ANKS1B: variants seen among roughly 807,000 people sequenced by gnomAD.
The protein encoded by ANKS1B is ankyrin repeat and sterile alpha motif domain-containing protein 1B.
Under a neutral mutation model 148.3 loss-of-function variants are expected in ANKS1B, and 36 were observed. The observed-to-expected ratio is 0.24, with a 90% CI of 0.19 to 0.32. The LOEUF (loss-of-function observed/expected upper bound fraction) is 0.32, where lower values mean the gene tolerates loss of function less well. Ranked by LOEUF, ANKS1B falls within the 10% of genes least tolerant of loss-of-function variation. ANKS1B has a pLI of 1.00. For synonymous variants in ANKS1B, 542 were observed against 560.8 expected (o/e 0.97, Z 0.47); for missense variants, 1,157 against 1,542.6 (o/e 0.75, Z 4.19).
At chr12:99,086,391 C>T (rs1481441552) in intron 15 of ANKS1B, among the ~76,000 whole-genome samples, 4 of 152,030 alleles carry the variant, frequency 2.6e-5, no homozygotes, top group South Asian at 2.1e-4. Flanking sequence ...GAGGAGCAAA[C>T]GGTAAGGCTG....
chr12:99,121,311 GTA>G (rs1182100869), intron 15 of ANKS1B, among the ~76,000 whole-genome samples: 3 of 137,446 alleles, frequency 2.2e-5, no homozygotes, highest in Non-Finnish European at 4.6e-5. Context: ...AACAGTGTGT[GTA>G]TGTAGGTATG....
chr12:99,867,127 A>T (rs1028158670), intron 1 of ANKS1B, among the ~76,000 whole-genome samples: 2 of 152,178 alleles, frequency 1.3e-5, no homozygotes, highest in African/African-American at 4.8e-5. Context: ...GCCACTGTAA[A>T]GATTAAATGA....
At chr12:99,263,424 A>G (rs6538907) in intron 12 of ANKS1B, among the ~76,000 whole-genome samples, 47,295 of 152,046 alleles carry the variant, frequency 0.31, 8,793 homozygotes, top group African/African-American at 0.52. Flanking sequence ...CAATTAGTTG[A>G]AAACATTTTA....
At chr12:99,334,629 A>G (rs1465378284) in intron 12 of ANKS1B, among the ~76,000 whole-genome samples, 1 of 152,098 alleles carries the variant, frequency 6.6e-6, no homozygotes, top group Non-Finnish European at 1.5e-5. Context: ...CTCAATGTCC[A>G]GACGTTTTCC....
chr12:99,038,852 T>C (rs185032924), intron 17 of ANKS1B, among the ~76,000 whole-genome samples: 5 of 152,334 alleles, frequency 3.3e-5, no homozygotes, highest in Admixed American at 2.6e-4. Flanking sequence ...CTTAAAGAAG[T>C]CTTTCCTGAT....
intron 9 of ANKS1B, among the ~76,000 whole-genome samples, chr12:99,640,596 C>T (rs10778001): frequency 0.66 from 99,824 of 151,978 alleles, 32,985 homozygotes; most frequent in African/African-American, 0.73. Context: ...TGCCAGCACC[C>T]TGATATTAGA....
At chr12:98,821,913 C>CT (rs35654710) in intron 19 of ANKS1B, among the ~76,000 whole-genome samples, 51,640 of 137,776 alleles carry the variant, frequency 0.37, 10,097 homozygotes, top group East Asian at 0.69. Context: ...TGGCCTGGGA[C>CT]TTTTTTTTTT....
intron 17 of ANKS1B, among the ~76,000 whole-genome samples, chr12:98,873,177 C>T (rs371735274): frequency 6.6e-6 from 1 of 152,332 alleles, no homozygotes; most frequent in South Asian, 2.1e-4. Flanking sequence ...TGGCACAGCA[C>T]ATATCACACC....
rs115856728 is a variant in ANKS1B at position 99,648,393 on chromosome 12, C to T, written c.1272+6674G>A. ...GTGCCCGAATGGTAACAATGGGCAT[C>T]GTTCGCACCAGCCCCTGCCTCACAC... On this transcript the variant is annotated intron_variant, in intron 9 of 26. Coordinates refer to ENST00000683438, the MANE Select transcript of ANKS1B (RefSeq NM_001352186.2). The T allele has an allele frequency of 3.9e-4, 631 of 1,614,144 alleles. 6 individuals carry two copies. The African/African-American group carries it at 6.2e-3, about 16-fold the overall frequency.
At chr12:99,380,955 C>T (rs955002795) in intron 12 of ANKS1B, among the ~76,000 whole-genome samples, 24 of 152,092 alleles carry the variant, frequency 1.6e-4, no homozygotes, top group African/African-American at 4.8e-4. Context: ...AGGTGGGCCC[C>T]GAATTCAATG....
intron 9 of ANKS1B, among the ~76,000 whole-genome samples, chr12:99,509,493 A>G (rs1055595450): frequency 1.8e-4 from 27 of 152,054 alleles, no homozygotes; most frequent in Non-Finnish European, 3.7e-4. Flanking sequence ...TGGATAGAAG[A>G]TCACACCAGC....
intron 1 of ANKS1B, among the ~76,000 whole-genome samples, chr12:99,859,653 G>GC: frequency 6.9e-6 from 1 of 144,844 alleles, no homozygotes; most frequent in South Asian, 2.2e-4. Flanking sequence ...TTTTGTTTTT[G>GC]TTTTTTTTTT....
chr12:99,134,498 G>T (rs1480562402), intron 15 of ANKS1B, among the ~76,000 whole-genome samples: 2 of 152,018 alleles, frequency 1.3e-5, no homozygotes, highest in Non-Finnish European at 2.9e-5. Context: ...AGGAGATAGA[G>T]AAGTGAGTAG....
chr12:99,306,988 C>T (rs1205586048), intron 12 of ANKS1B, among the ~76,000 whole-genome samples: 4 of 152,002 alleles, frequency 2.6e-5, no homozygotes, highest in Non-Finnish European at 5.9e-5. Context: ...TTGTAGCATC[C>T]ACAACTTTGG....
Position 99,060,653 on chromosome 12 carries a change from T to TCACACACACA in ANKS1B, c.2626-7354_2626-7345dup, listed in dbSNP as rs35515489. 3.6e-3 allele frequency among the ~76,000 whole-genome samples: 458 copies of TCACACACACA among 126,086 alleles called. 2 individuals carry two copies. The highest frequency in any genetic ancestry group is 0.014 in the East Asian group (59 of 4,274). The allele number at this position is 126,086 out of a possible 152,430, so 82.7% of individuals were successfully genotyped here. On this transcript the variant is annotated intron_variant, in intron 16 of 26. Coordinates refer to ENST00000683438, the MANE Select transcript of ANKS1B (RefSeq NM_001352186.2). ...ATACACACATATACATATATACACATCACACACACACACACACACACACAC... is the reference window on the plus strand; with the variant it reads ...ATACACACATATACATATATACACATCACACACACACACACACACACACACACACACACAC...
intron 8 of ANKS1B, among the ~76,000 whole-genome samples, chr12:99,761,184 C>T (rs2062075564): frequency 6.7e-6 from 1 of 150,154 alleles, no homozygotes; most frequent in Admixed American, 6.7e-5. Context: ...GGAGAATGAA[C>T]TCCTCCCTAA....
At position 99,504,655 on chromosome 12, in the gene ANKS1B, A is replaced by G. The variant is rs1345293635; in HGVS notation, c.1273-14T>C. The G allele has an allele frequency of 6.6e-7, 1 of 1,517,100 alleles. No individual in the cohort carries two copies. The highest frequency in any genetic ancestry group is 8.8e-7 in the Non-Finnish European group (1 of 1,132,140). The allele number at this position is 1,517,100 out of a possible 1,614,324, so 94.0% of individuals were successfully genotyped here. A position where few individuals can be genotyped will look rare whatever the true frequency, so the allele number is the denominator to read the frequency against. On this transcript the variant is annotated splice_polypyrimidine_tract_variant and intron_variant, in intron 9 of 26. Coordinates refer to ENST00000683438, the MANE Select transcript of ANKS1B (RefSeq NM_001352186.2). ...TGGATAGGACTCCTGAAAAGAAGAA[A>G]AAATAAAAACAGCTTTGTGATGAAG...
chr12:99,599,173 T>C (rs2097780787), intron 9 of ANKS1B, among the ~76,000 whole-genome samples: 1 of 152,056 alleles, frequency 6.6e-6, no homozygotes, highest in Admixed American at 6.6e-5. Context: ...TAACTTAATA[T>C]CTGCAAAGAC....
chr12:99,618,402 C>T (rs7974802), intron 9 of ANKS1B, among the ~76,000 whole-genome samples: 17,660 of 152,108 alleles, frequency 0.12, 1,189 homozygotes, highest in Middle Eastern at 0.15. Flanking sequence ...GCTTTTAGCA[C>T]GCCTCAGTAA....
Sources: allele counts gnomAD v4.1 joint callset (sites outside exome capture counted in the v4.1 genomes callset), GRCh38; gene constraint gnomAD v4.1.1; transcripts MANE v1.5; gene names NCBI Gene and HGNC (gene_info 2026-07-23, HGNC 2026-07-21).